PTPRK: variants seen among roughly 807,000 people sequenced by gnomAD.
PTPRK encodes the protein receptor-type tyrosine-protein phosphatase kappa.
PTPRK carries 75 observed loss-of-function variants against 178.0 expected under a neutral mutation model. The ratio of observed to expected loss-of-function variants is 0.42; its 90% CI spans 0.35 to 0.51. The LOEUF (loss-of-function observed/expected upper bound fraction) is 0.51. PTPRK is among the 20% of genes least tolerant of loss of function. The probability of loss-of-function intolerance (pLI) is 0.02; values close to 1 mark genes in which losing one functional copy is unlikely to be tolerated. For missense variants in PTPRK, 1,441 were observed against 1,797.8 expected, an observed-to-expected ratio of 0.80 and a Z score of 3.59; for synonymous variants, 637 against 620.6, an observed-to-expected ratio of 1.03 and a Z score of -0.39.
rs201021416 is a variant in PTPRK at position 127,992,666 on chromosome 6, G to T, written c.2881+7C>A. ...TTTCTATAACATTTAACAAGGCAAA[G>T]TTTTACCTTGGGTTGCAATGTAATG... On this transcript the variant is annotated splice_region_variant and intron_variant, in intron 19 of 29. Transcript: ENST00000368226. The T allele has an allele frequency of 1.4e-5, 22 of 1,588,732 alleles. No individual in the cohort carries two copies. The East Asian group carries it at 5.0e-4, about 36-fold the overall frequency.
In PTPRK at chr6:128,361,747, G is replaced by T. The variant is rs115258630; in HGVS notation, c.223+35819C>A. Among the ~76,000 whole-genome samples the T allele has an allele frequency of 9.6e-3, 1,460 of 152,190 alleles. 20 individuals are homozygous for T. The highest frequency in any genetic ancestry group is 0.032 in the African/African-American group (1,346 of 41,512). ...GAAAAGGTACTATAAAAATATAGTA[G>T]TATAATCTTATCAGATTGTATATAC... On this transcript the variant is annotated intron_variant, in intron 2 of 29. Coordinates refer to ENST00000368226, the MANE Select transcript of PTPRK (RefSeq NM_002844.4).
intron 1 of PTPRK, among the ~76,000 whole-genome samples, chr6:128,451,207 G>A (rs1374874073): frequency 2.0e-5 from 3 of 152,120 alleles, no homozygotes; most frequent in East Asian, 1.9e-4. Flanking sequence ...ATGCCAACGT[G>A]GGGAACATCT....
At chr6:128,135,937 G>T (rs1321799342) in intron 7 of PTPRK, among the ~76,000 whole-genome samples, 1 of 152,154 alleles carries the variant, frequency 6.6e-6, no homozygotes, top group African/African-American at 2.4e-5. Flanking sequence ...GTTATGAGCT[G>T]AACTGTGTCT....
intron 1 of PTPRK, among the ~76,000 whole-genome samples, chr6:128,403,172 T>G (rs1006220832): frequency 5.9e-5 from 9 of 152,214 alleles, no homozygotes; most frequent in Admixed American, 1.3e-4. Context: ...TAATCCAAGA[T>G]TATTTAGCTA....
At chr6:128,378,047 C>G (rs74885763) in intron 2 of PTPRK, among the ~76,000 whole-genome samples, 3,717 of 152,106 alleles carry the variant, frequency 0.024, 143 homozygotes, top group African/African-American at 0.084. Context: ...CTGTGTTTCA[C>G]AAATCTTCAC....
intron 6 of PTPRK, among the ~76,000 whole-genome samples, chr6:128,188,861 A>T (rs1247554843): frequency 6.6e-6 from 1 of 152,170 alleles, no homozygotes; most frequent in Non-Finnish European, 1.5e-5. Flanking sequence ...GTCTGTAGTC[A>T]AATCTCCCTC....
At chr6:128,334,850 G>A (rs1051635436) in intron 2 of PTPRK, among the ~76,000 whole-genome samples, 5 of 152,144 alleles carry the variant, frequency 3.3e-5, no homozygotes, top group Admixed American at 6.5e-5. Flanking sequence ...CCGGACTTTG[G>A]GGGCTGAGGA....
chr6:128,405,509 C>T (rs961044225), intron 1 of PTPRK, among the ~76,000 whole-genome samples: 16 of 152,082 alleles, frequency 1.1e-4, no homozygotes, highest in African/African-American at 3.4e-4. Context: ...AGAAATTCAT[C>T]GAACAAAGCA....
At chr6:128,194,961 A>G (rs1319932588) in intron 6 of PTPRK, among the ~76,000 whole-genome samples, 3 of 152,176 alleles carry the variant, frequency 2.0e-5, no homozygotes, top group African/African-American at 7.2e-5. Flanking sequence ...AAAAAAACCT[A>G]CTGCAAAATC....
chr6:128,369,854 T>C (rs1187523356), intron 2 of PTPRK, among the ~76,000 whole-genome samples: 1 of 151,798 alleles, frequency 6.6e-6, no homozygotes, highest in Admixed American at 6.6e-5. Flanking sequence ...TGATGGGAGG[T>C]AAGAGGATAG....
chr6:128,162,593 T>A (rs540189564), intron 7 of PTPRK, among the ~76,000 whole-genome samples: 1 of 151,902 alleles, frequency 6.6e-6, no homozygotes, highest in South Asian at 2.1e-4. Context: ...GTATTTCAAC[T>A]TAAGAATGAG....
intron 1 of PTPRK, among the ~76,000 whole-genome samples, chr6:128,436,569 T>C (rs779611342): frequency 7.9e-5 from 12 of 152,048 alleles, no homozygotes; most frequent in Admixed American, 1.3e-4. Flanking sequence ...TGGCGCTAAA[T>C]AATAAGTGCT....
chr6:128,464,664 T>TATATATATATATATATATATATAC (rs1849615434), intron 1 of PTPRK, among the ~76,000 whole-genome samples: 1 of 117,732 alleles, frequency 8.5e-6, no homozygotes, highest in African/African-American at 3.6e-5. Context: ...TATATATATA[T>TATATATATATATATATATATATAC]ATATATATAT....
intron 1 of PTPRK, among the ~76,000 whole-genome samples, chr6:128,430,506 G>A (rs964776558): frequency 2.0e-5 from 3 of 152,144 alleles, no homozygotes; most frequent in African/African-American, 7.2e-5. Context: ...AAGTACTAAT[G>A]ATGCAATGAG....
chr6:128,292,401 ATATAT>A (rs1823532368), intron 3 of PTPRK, among the ~76,000 whole-genome samples: 1 of 152,132 alleles, frequency 6.6e-6, no homozygotes, highest in Non-Finnish European at 1.5e-5. Context: ...TATTTTTAAA[ATATAT>A]TAAATAACAA....
At chr6:128,339,660 TGGAACACAGA>T (rs1385940478) in intron 2 of PTPRK, among the ~76,000 whole-genome samples, 3 of 152,036 alleles carry the variant, frequency 2.0e-5, no homozygotes, top group African/African-American at 7.2e-5. Flanking sequence ...AATTGCTTCC[TGGAACACAGA>T]AAAAAAAATA....
chr6:128,428,094 A>G (rs982352869), intron 1 of PTPRK, among the ~76,000 whole-genome samples: 2 of 152,108 alleles, frequency 1.3e-5, no homozygotes, highest in Non-Finnish European at 2.9e-5. Context: ...TCCGTCTCGA[A>G]AAAAAAGAAA....
intron 25 of PTPRK, among the ~76,000 whole-genome samples, chr6:127,979,617 C>G (rs1039809807): frequency 6.6e-6 from 1 of 152,142 alleles, no homozygotes; most frequent in African/African-American, 2.4e-5. Context: ...CAAGAGTGAC[C>G]ACAGCAAGGA....
chr6:128,269,250 A>G (rs1459161500), intron 3 of PTPRK, among the ~76,000 whole-genome samples: 1 of 152,078 alleles, frequency 6.6e-6, no homozygotes, highest in Non-Finnish European at 1.5e-5. Context: ...CCTGTCATCA[A>G]GAGAAGATAA....
Sources: allele counts gnomAD v4.1 joint callset (sites outside exome capture counted in the v4.1 genomes callset), GRCh38; gene constraint gnomAD v4.1.1; transcripts MANE v1.5; gene names NCBI Gene and HGNC (gene_info 2026-07-23, HGNC 2026-07-21).